Variants in TLN2 observed in about 807,000 individuals in gnomAD.
TLN2 encodes the protein talin 2.
In TLN2, 118 loss-of-function variants were observed where a neutral mutation model predicts 294.7. The observed-to-expected ratio is 0.40, with a 90% CI of 0.34 to 0.47. The LOEUF (loss-of-function observed/expected upper bound fraction) is 0.47. Among genes scored for constraint, TLN2 ranks in the 20% least tolerant of loss-of-function variants. The probability of loss-of-function intolerance (pLI) is 0.84; values close to 1 mark genes in which losing one functional copy is unlikely to be tolerated. For missense variants in TLN2, 3,083 were observed against 3,282.2 expected (o/e 0.94, Z 1.48); for synonymous variants, 1,431 against 1,304.5 (o/e 1.10, Z -2.09).
chr15:62,610,639 G>A (rs937255662), intron 2 of TLN2, among the ~76,000 whole-genome samples: 7 of 152,176 alleles, frequency 4.6e-5, no homozygotes, highest in African/African-American at 9.7e-5. Flanking sequence ...AAACGGAGAC[G>A]TTTAGGAGAC....
At position 62,653,286 on chromosome 15, in the gene TLN2, GA is replaced by G. The variant is rs1420101315; in HGVS notation, c.491del (p.Lys164ArgfsTer10). On this transcript the variant is annotated frameshift_variant, in exon 7 of 59. Transcript: ENST00000636159. LOFTEE classifies it high-confidence loss of function. ...LRDERKMEKL[K>X]AKLHTDDDLN... is the part of the protein sequence containing the mutation. ...GAGATGAGAGGAAAATGGAGAAGTT[GA>G]AGGCCAAGCTGCACACAGATGATGA... The G allele has an allele frequency of 6.2e-7, 1 of 1,613,658 alleles. No homozygotes were observed.
intron 4 of TLN2, among the ~76,000 whole-genome samples, chr15:62,648,358 T>C (rs1361138970): frequency 1.6e-5 from 2 of 125,400 alleles, no homozygotes. Flanking sequence ...CAAGCCATGA[T>C]CCAGCCACTG....
chr15:62,582,477 AC>A (rs1374116413), intron 1 of TLN2, among the ~76,000 whole-genome samples: 1 of 152,252 alleles, frequency 6.6e-6, no homozygotes, highest in Non-Finnish European at 1.5e-5. Flanking sequence ...GATTATTTCA[AC>A]AAACTTTTGT....
At chr15:62,609,819 T>C (rs775682544) in intron 2 of TLN2, among the ~76,000 whole-genome samples, 5 of 152,356 alleles carry the variant, frequency 3.3e-5, no homozygotes, top group Non-Finnish European at 5.9e-5. Context: ...ATCCCATCCC[T>C]CGTGAAAATT....
At chr15:62,486,265 A>G (rs541901593) in intron 1 of TLN2, among the ~76,000 whole-genome samples, 121 of 152,184 alleles carry the variant, frequency 8.0e-4, no homozygotes, top group Non-Finnish European at 1.6e-3. Flanking sequence ...CCACTGTTCA[A>G]TTAGTAAAAC....
At chr15:62,792,814 C>A (rs749658561) in intron 46 of TLN2, 27 bp downstream of exon 46, 2 of 1,612,434 alleles carry the variant, frequency 1.2e-6, no homozygotes, top group East Asian at 2.2e-5. Context: ...AGTTTAGAGT[C>A]ACAAGAACCT....
At chr15:62,825,773 T>TA (rs2068023686) in intron 54 of TLN2, among the ~76,000 whole-genome samples, 9 of 26,568 alleles carry the variant, frequency 3.4e-4, no homozygotes. Flanking sequence ...TTATATATTA[T>TA]ATAATATATT....
At chr15:62,835,652 G>A (rs1782507687) in intron 55 of TLN2, 85 bp from the exon 56 acceptor site, 1 of 1,494,578 alleles carries the variant, frequency 6.7e-7, no homozygotes, top group Non-Finnish European at 9.3e-7. Context: ...TACAAGTCTG[G>A]TTCCCGAGCA....
At chr15:62,449,479 A>AG (rs2035985573) in intron 1 of TLN2, among the ~76,000 whole-genome samples, 2 of 152,190 alleles carry the variant, frequency 1.3e-5, no homozygotes, top group South Asian at 4.1e-4. Context: ...CTTTTGCATC[A>AG]GGACTGCTCT....
intron 1 of TLN2, among the ~76,000 whole-genome samples, chr15:62,495,972 CA>C (rs1196745127): frequency 6.7e-6 from 1 of 150,244 alleles, no homozygotes. Context: ...AAACCAAAAA[CA>C]AAAAAACCTT....
intron 1 of TLN2, among the ~76,000 whole-genome samples, chr15:62,528,412 T>A (rs1459310293): frequency 1.3e-5 from 2 of 152,062 alleles, no homozygotes; most frequent in Admixed American, 1.3e-4. Context: ...CGGAGTAGGT[T>A]AACAAACTTA....
chr15:62,530,269 G>A (rs1177955017), intron 1 of TLN2, among the ~76,000 whole-genome samples: 1 of 152,156 alleles, frequency 6.6e-6, no homozygotes, highest in Non-Finnish European at 1.5e-5. Context: ...TTATATTTAG[G>A]AGAAATTCCT....
Position 62,712,095 on chromosome 15 carries a change from T to C in TLN2, c.2634+18T>C, listed in dbSNP as rs1018727588. On this transcript the variant is annotated intron_variant, in intron 22 of 58. Coordinates refer to ENST00000636159, the MANE Select transcript of TLN2 (RefSeq NM_015059.3). Reference sequence around the variant, plus strand: ...CTGCAAAGGTATTCTACTGGATTTGTTTGTATGAAAAGTGAACACTATTAA... The same window carrying C: ...CTGCAAAGGTATTCTACTGGATTTGCTTGTATGAAAAGTGAACACTATTAA... 3.7e-6 allele frequency: 6 copies of C among 1,611,072 alleles called. No homozygotes were observed. Among genetic ancestry groups the C allele is most frequent in the Non-Finnish European group, 5.1e-6 (6 of 1,177,970 alleles).
At chr15:62,596,645 C>T (rs967759545) in intron 2 of TLN2, among the ~76,000 whole-genome samples, 11 of 151,182 alleles carry the variant, frequency 7.3e-5, no homozygotes, top group African/African-American at 1.9e-4. Flanking sequence ...GGCTGAGGCA[C>T]GCGAATGGCT....
In TLN2 at chr15:62,564,955, C is replaced by G. The variant is rs548292312; in HGVS notation, c.-237-24732C>G. Among the ~76,000 whole-genome samples the G allele has an allele frequency of 1.8e-3, 273 of 148,792 alleles. 3 individuals are homozygous for G. The highest frequency in any genetic ancestry group is 6.4e-3 in the African/African-American group (257 of 40,250). The stretch of plus-strand genomic sequence containing the variant: ...ATATATATATATACTGCATTCCCCC[C>G]ACTGACACACACATACTCAGAAAAG... On this transcript the variant is annotated intron_variant, in intron 1 of 58. Transcript: ENST00000636159.
At chr15:62,750,573 T>C in intron 34 of TLN2, 82 bp downstream of exon 34, 1 of 1,203,848 alleles carries the variant, frequency 8.3e-7, no homozygotes, top group Non-Finnish European at 1.2e-6. Context: ...TCTGTGCATC[T>C]GCCTGTGGCT....
intron 20 of TLN2, among the ~76,000 whole-genome samples, chr15:62,707,975 A>T (rs34346567): frequency 6.6e-6 from 1 of 150,520 alleles, no homozygotes; most frequent in African/African-American, 2.4e-5. Context: ...CTTGGCATCA[A>T]TAGCCTGTGG....
intron 1 of TLN2, among the ~76,000 whole-genome samples, chr15:62,483,758 C>T (rs1294949942): frequency 6.6e-6 from 1 of 152,170 alleles, no homozygotes; most frequent in African/African-American, 2.4e-5. Context: ...TAGCTATCTC[C>T]CCCAGATGTT....
intron 2 of TLN2, among the ~76,000 whole-genome samples, chr15:62,600,605 C>T (rs1202876556): frequency 6.6e-6 from 1 of 152,172 alleles, no homozygotes; most frequent in Non-Finnish European, 1.5e-5. Context: ...CTCACATGCT[C>T]ACTGAGAGGA....
Sources: allele counts gnomAD v4.1 joint callset (sites outside exome capture counted in the v4.1 genomes callset), GRCh38; gene constraint gnomAD v4.1.1; transcripts MANE v1.5; gene names NCBI Gene and HGNC (gene_info 2026-07-23, HGNC 2026-07-21).